Variants in PCLO observed in about 807,000 individuals in gnomAD.
The protein encoded by PCLO is piccolo presynaptic cytomatrix protein, also known as protein piccolo.
Under a neutral mutation model 427.5 loss-of-function variants are expected in PCLO, and 82 were observed. That is an observed-to-expected ratio of 0.19 (90% CI 0.16 to 0.23). The LOEUF (loss-of-function observed/expected upper bound fraction) is 0.23. Ranked by LOEUF, PCLO falls within the 10% of genes least tolerant of loss-of-function variation. PCLO has a pLI of 1.00. For missense variants in PCLO, 6,239 were observed against 6,115.9 expected, an observed-to-expected ratio of 1.02 and a Z score of -0.67; for synonymous variants, 2,357 against 2,155.4, an observed-to-expected ratio of 1.09 and a Z score of -2.59.
chr7:82,979,453 G>A (rs182734290), intron 3 of PCLO, among the ~76,000 whole-genome samples: 4 of 152,262 alleles, frequency 2.6e-5, no homozygotes, highest in Non-Finnish European at 4.4e-5. Flanking sequence ...TAAATTCAGA[G>A]AAGCAGTAAG....
chr7:83,007,636 T>C (rs1343970988), intron 3 of PCLO, among the ~76,000 whole-genome samples: 2 of 151,544 alleles, frequency 1.3e-5, no homozygotes, highest in Non-Finnish European at 3.0e-5. Flanking sequence ...AATATATGTA[T>C]CATAAAATAT....
In PCLO at chr7:82,915,107, G is replaced by T; in HGVS notation, c.12879C>A (p.Ser4293=). 6.3e-7 allele frequency: 1 copy of T among 1,594,104 alleles called. No homozygotes were observed. The highest frequency in any genetic ancestry group is 8.6e-7 in the Non-Finnish European group (1 of 1,169,112). The change falls in exon 7 of 25, where the codon TCC becomes TCA. Residue 4293 remains serine (S), a synonymous_variant. Transcript: ENST00000333891. ...YSSGSRSRPS[S]RPSSVYGLDL... ...CAAGCCCATAGACAGAGGAAGGTCT[G>T]GAGGAAGGTCTGGACCTGCTGCCAC...
rs13224104 is a variant in PCLO at position 82,869,299 on chromosome 7, T to G, written c.13654+10038A>C. Among the ~76,000 whole-genome samples the G allele has an allele frequency of 2.0e-5, 3 of 152,220 alleles. No homozygotes were observed. In the South Asian group the frequency reaches 6.2e-4, roughly 32 times the overall value. ...TGGATAATTGTTTTAATGTCCTAACTCTTGTTATTGTATTAATTCAGAATA... is the reference window on the plus strand; with the variant it reads ...TGGATAATTGTTTTAATGTCCTAACGCTTGTTATTGTATTAATTCAGAATA... On this transcript the variant is annotated intron_variant, in intron 10 of 24. Coordinates refer to ENST00000333891, the MANE Select transcript of PCLO (RefSeq NM_033026.6).
intron 9 of PCLO, among the ~76,000 whole-genome samples, chr7:82,895,866 G>A (rs1414893734): frequency 6.6e-6 from 1 of 151,810 alleles, no homozygotes; most frequent in Non-Finnish European, 1.5e-5. Flanking sequence ...TTCATTGGTG[G>A]ATTCTACCAA....
At chr7:82,989,812 T>C (rs1480763884) in intron 3 of PCLO, among the ~76,000 whole-genome samples, 1 of 152,042 alleles carries the variant, frequency 6.6e-6, no homozygotes, top group Non-Finnish European at 1.5e-5. Flanking sequence ...GTGTTGAGTG[T>C]CATGAGGAAG....
chr7:82,825,740 T>C (rs2115671318), intron 18 of PCLO, among the ~76,000 whole-genome samples: 1 of 142,148 alleles, frequency 7.0e-6, no homozygotes, highest in Non-Finnish European at 1.5e-5. Context: ...GTATATATTA[T>C]ACATTGTATA....
At chr7:83,074,655 G>A (rs906605294) in intron 3 of PCLO, among the ~76,000 whole-genome samples, 3 of 151,910 alleles carry the variant, frequency 2.0e-5, no homozygotes, top group African/African-American at 7.3e-5. Context: ...GGCCAATGTG[G>A]GAAAATTAGA....
At chr7:83,029,366 A>T (rs886406050) in intron 3 of PCLO, among the ~76,000 whole-genome samples, 1 of 151,614 alleles carries the variant, frequency 6.6e-6, no homozygotes, top group African/African-American at 2.4e-5. Context: ...AAAAATGCTC[A>T]TCATCACTGG....
intron 9 of PCLO, among the ~76,000 whole-genome samples, chr7:82,899,746 T>C (rs544027332): frequency 4.6e-5 from 7 of 151,692 alleles, no homozygotes; most frequent in Admixed American, 2.0e-4. Context: ...CTGGCATTTA[T>C]TTTTGTAATT....
rs188822033 is a variant in PCLO at position 82,921,222 on chromosome 7, A to C, written c.11113-4349T>G. 3.2e-3 allele frequency among the ~76,000 whole-genome samples: 489 copies of C among 152,088 alleles called. 2 individuals carry two copies. The highest frequency in any genetic ancestry group is 0.011 in the African/African-American group (470 of 41,536). On this transcript the variant is annotated intron_variant, in intron 6 of 24. Transcript: ENST00000333891. ...ACATTTTTCACAGAATTATAAAAAA[A>C]CTATTCTAAAATTCATATGGAACCA...
At chr7:83,142,210 T>C (rs1386760790) in intron 2 of PCLO, among the ~76,000 whole-genome samples, 1 of 152,186 alleles carries the variant, frequency 6.6e-6, no homozygotes, top group African/African-American at 2.4e-5. Context: ...ACAAACACAA[T>C]GTTAGGAATT....
intron 3 of PCLO, among the ~76,000 whole-genome samples, chr7:83,061,058 T>TA (rs970716649): frequency 2.0e-5 from 3 of 152,218 alleles, no homozygotes; most frequent in African/African-American, 7.2e-5. Context: ...TAGTGGTGTG[T>TA]AAAAAATTAT....
intron 22 of PCLO, among the ~76,000 whole-genome samples, chr7:82,799,336 G>C (rs988510236): frequency 3.9e-5 from 6 of 152,148 alleles, no homozygotes; most frequent in African/African-American, 1.4e-4. Flanking sequence ...AGGAATAAGC[G>C]CTATCTCTGG....
intron 20 of PCLO, among the ~76,000 whole-genome samples, chr7:82,815,594 A>G (rs1358421424): frequency 6.6e-6 from 1 of 152,044 alleles, no homozygotes; most frequent in East Asian, 1.9e-4. Flanking sequence ...AGGAAAAGTG[A>G]ATTTTGCTAT....
intron 19 of PCLO, 113 bp downstream of exon 19, chr7:82,824,123 C>T (rs923930923): frequency 7.5e-6 from 5 of 665,584 alleles, no homozygotes; most frequent in Admixed American, 3.1e-5. Flanking sequence ...TAAGTATTTT[C>T]CAGTCGTGTC....
Position 82,845,334 on chromosome 7 carries a change from G to T in PCLO, c.13983C>A (p.Ser4661=). The change falls in exon 13 of 25, where the codon TCC becomes TCA. Residue 4661 remains serine, a synonymous_variant. Coordinates refer to ENST00000333891, the MANE Select transcript of PCLO (RefSeq NM_033026.6). ...ACCCTGGTTGCCCAGGGCTGGGAAC[G>T]GAACTGGATCCTGCTGATGTAGGAC... ...HSGPTSAGSS[S]VPSPGQPGSP... is the part of the protein sequence containing the mutation. The T allele has an allele frequency of 6.2e-7, 1 of 1,613,486 alleles. No individual in the cohort carries two copies.
At chr7:82,798,436 T>C (rs1015512512) in intron 22 of PCLO, among the ~76,000 whole-genome samples, 1 of 152,134 alleles carries the variant, frequency 6.6e-6, no homozygotes, top group Admixed American at 6.5e-5. Flanking sequence ...CAAAGGCAAA[T>C]AAAGATAATT....
intron 6 of PCLO, 93 bp from the exon 7 acceptor site, chr7:82,916,966 C>A (rs12707531): frequency 0.19 from 163,542 of 872,966 alleles, 17,368 homozygotes; most frequent in Non-Finnish European, 0.21. Context: ...AAAATGATTT[C>A]ATGTATGATT....
chr7:83,078,755 C>T (rs1035575153), intron 3 of PCLO, among the ~76,000 whole-genome samples: 2 of 151,974 alleles, frequency 1.3e-5, no homozygotes, highest in East Asian at 1.9e-4. Flanking sequence ...TTGTCGGTCG[C>T]GAATTCCTGA....
Sources: gnomAD v4.1 joint callset for allele counts (sites outside exome capture counted in the v4.1 genomes callset) on GRCh38, gnomAD v4.1.1 for gene constraint, MANE v1.5 for transcripts, NCBI Gene and HGNC (gene_info 2026-07-23, HGNC 2026-07-21) for gene names.